The following ESRRG variants were observed in gnomAD, a reference collection of about 807,000 sequenced individuals.
ESRRG encodes estrogen related receptor gamma, also known as estrogen-related receptor gamma.
A neutral mutation model predicts 44.0 loss-of-function variants in ESRRG; 13 were observed. The observed-to-expected ratio is 0.30, with a 90% CI of 0.19 to 0.47. The LOEUF is 0.47. Among genes scored for constraint, ESRRG ranks in the 20% least tolerant of loss-of-function variants. The pLI, the probability that ESRRG is intolerant of heterozygous loss-of-function variation, is 1.00. For missense variants in ESRRG, 395 were observed against 580.6 expected (o/e 0.68, Z 3.29); for synonymous variants, 215 against 214.6 (o/e 1.00, Z -0.02).
chr1:216,912,183 A>C lies in ESRRG; in HGVS notation c.-14+27399T>G, dbSNP rs12744879. Among the ~76,000 whole-genome samples, 11 of 21,152 alleles carry C rather than the reference A, an allele frequency of 5.2e-4. 2 individuals carry two copies. Among genetic ancestry groups the C allele is most frequent in the Non-Finnish European group, 7.1e-4 (9 of 12,714 alleles). The allele number at this position is 21,152 out of a possible 152,430, so 13.9% of individuals were successfully genotyped here. ...AAGAAAAGAAAAGAAAAGAAAAGAA[A>C]AGGAGAGGAGAGGAGAGGAGAGGAG... On this transcript the variant is annotated intron_variant, in intron 2 of 7. Coordinates refer to the ESRRG transcript ENST00000359162.
rs140764439 is a variant in ESRRG, at chr1:216,563,894, A to G, written c.862+325T>C. Among the ~76,000 whole-genome samples the G allele has an allele frequency of 6.0e-4, 91 of 152,320 alleles. No homozygotes were observed. The East Asian group carries it at 0.013, about 22-fold the overall frequency. ...AAAACATTTTTTAAAGTGAAAAGAA[A>G]AAGTAGAAGTATTTGCTAGGAAAAA... On this transcript the variant is annotated intron_variant, in intron 5 of 6. Transcript: ENST00000408911.
chr1:217,007,861 A>C (rs1052967782), intron 1 of ESRRG, among the ~76,000 whole-genome samples: 3 of 152,102 alleles, frequency 2.0e-5, no homozygotes, highest in African/African-American at 7.2e-5. Context: ...ATCCCAAGCC[A>C]ATTATGGAAT....
intron 1 of ESRRG, among the ~76,000 whole-genome samples, chr1:216,981,304 G>A (rs539592737): frequency 7.9e-5 from 12 of 152,272 alleles, no homozygotes; most frequent in South Asian, 4.1e-4. Flanking sequence ...CTCAAAGAAC[G>A]TAATCTAATA....
rs997166325 is a variant in ESRRG, at chr1:216,504,038, A to T, written c.*2901T>A. 2 of 152,512 alleles carry T rather than the reference A, an allele frequency of 1.3e-5. No homozygotes were observed. The highest frequency in any genetic ancestry group is 4.8e-5 in the African/African-American group (2 of 41,420). The allele number at this position is 152,512 out of a possible 1,614,324, so 9.4% of individuals were successfully genotyped here. ...TTTAGTTTTATTTCCTATTTGTGAG[A>T]TACTTACTCTTTTGTAATGCTGAGA... is the stretch of plus-strand genomic sequence containing the variant. On this transcript the variant is annotated 3_prime_UTR_variant, in exon 7 of 7. Coordinates refer to ENST00000408911, the MANE Select transcript of ESRRG (RefSeq NM_001438.4).
chr1:216,938,614 T>A (rs1373738699), intron 2 of ESRRG, among the ~76,000 whole-genome samples: 1 of 152,234 alleles, frequency 6.6e-6, no homozygotes, highest in Non-Finnish European at 1.5e-5. Context: ...AGGAGTCTGC[T>A]GAATGCTGTT....
At chr1:216,798,283 A>G (rs1437792650) in intron 2 of ESRRG, among the ~76,000 whole-genome samples, 4 of 152,168 alleles carry the variant, frequency 2.6e-5, no homozygotes, top group East Asian at 1.9e-4. Flanking sequence ...TAATAGTGCC[A>G]TCCAATTTAG....
intron 2 of ESRRG, among the ~76,000 whole-genome samples, chr1:216,920,863 C>T (rs181174116): frequency 3.3e-5 from 5 of 152,278 alleles, no homozygotes; most frequent in Admixed American, 1.3e-4. Flanking sequence ...ATATGTTTAA[C>T]GCATCTTAGT....
At chr1:216,749,608 T>C (rs2091809540) in intron 2 of ESRRG, among the ~76,000 whole-genome samples, 1 of 152,180 alleles carries the variant, frequency 6.6e-6, no homozygotes, top group Non-Finnish European at 1.5e-5. Flanking sequence ...TTGAATGAAG[T>C]TGTCATTCCT....
chr1:217,012,082 T>TAAATAATGTAAAAAATGTA (rs2078702253), intron 1 of ESRRG, among the ~76,000 whole-genome samples: 1 of 152,094 alleles, frequency 6.6e-6, no homozygotes, highest in South Asian at 2.1e-4. Context: ...AAATGTAAAG[T>TAAATAATGTAAAAAATGTA]AATAAGTAAA....
chr1:216,645,332 G>GTCA lies in ESRRG; in HGVS notation c.589+5638_589+5640dup, dbSNP rs142258442. 2.8e-3 allele frequency among the ~76,000 whole-genome samples: 421 copies of GTCA among 151,322 alleles called. 3 individuals are homozygous for GTCA. The highest frequency in any genetic ancestry group is 4.2e-3 in the South Asian group (20 of 4,768). ...TGGTAGTTCCAGCTTCATTGATATA[G>GTCA]TCATCATCATCATCATCATCATCAT... On this transcript the variant is annotated intron_variant, in intron 3 of 6. Transcript: ENST00000408911.
At chr1:216,803,534 C>T (rs966119797) in intron 2 of ESRRG, among the ~76,000 whole-genome samples, 9 of 152,086 alleles carry the variant, frequency 5.9e-5, no homozygotes, top group African/African-American at 1.9e-4. Context: ...ACCAAAGAAT[C>T]TAAATATTTA....
chr1:217,070,045 T>G (rs2151439230), intron 1 of ESRRG, among the ~76,000 whole-genome samples: 1 of 152,254 alleles, frequency 6.6e-6, no homozygotes, highest in Middle Eastern at 3.4e-3. Flanking sequence ...TTCCTATAAG[T>G]TGATTCTAAT....
intron 1 of ESRRG, among the ~76,000 whole-genome samples, chr1:217,016,443 G>A (rs888480654): frequency 2.0e-5 from 3 of 151,970 alleles, no homozygotes; most frequent in African/African-American, 7.2e-5. Flanking sequence ...AACCCAGAAA[G>A]CATTTAGAAA....
intron 1 of ESRRG, among the ~76,000 whole-genome samples, chr1:216,982,104 T>A (rs1447309463): frequency 6.6e-6 from 1 of 152,218 alleles, no homozygotes; most frequent in African/African-American, 2.4e-5. Context: ...ATGCCAGGAC[T>A]ATTTTTTCCC....
intron 2 of ESRRG, among the ~76,000 whole-genome samples, chr1:216,672,037 GGAAA>G (rs112633565): frequency 0.32 from 48,884 of 150,444 alleles, 8,374 homozygotes; most frequent in South Asian, 0.42. Flanking sequence ...AAGGAAGGAA[GGAAA>G]GAAAGAAGGA....
chr1:216,863,137 G>C (rs924456328), intron 2 of ESRRG: 1 of 152,098 alleles, frequency 6.6e-6, no homozygotes, highest in African/African-American at 2.4e-5. Context: ...TGTTGGGTCC[G>C]ATGCCCAGAG....
At chr1:216,794,709 G>T (rs568736951) in intron 2 of ESRRG, among the ~76,000 whole-genome samples, 2 of 152,256 alleles carry the variant, frequency 1.3e-5, no homozygotes, top group African/African-American at 4.8e-5. Flanking sequence ...TAGTGAAAAG[G>T]GTTCACTGAG....
intron 3 of ESRRG, among the ~76,000 whole-genome samples, chr1:216,618,248 G>T (rs1261149031): frequency 6.6e-6 from 1 of 152,194 alleles, no homozygotes; most frequent in Non-Finnish European, 1.5e-5. Context: ...ATATATTATG[G>T]ATATACCCTG....
chr1:216,807,537 G>A (rs1450497657), intron 2 of ESRRG, among the ~76,000 whole-genome samples: 1 of 151,930 alleles, frequency 6.6e-6, no homozygotes, highest in Admixed American at 6.6e-5. Flanking sequence ...AAATAAAGGG[G>A]GCAATGTTTT....
Sources: allele counts gnomAD v4.1 joint callset (sites outside exome capture counted in the v4.1 genomes callset), GRCh38; gene constraint gnomAD v4.1.1; transcripts MANE v1.5; gene names NCBI Gene and HGNC (gene_info 2026-07-23, HGNC 2026-07-21).